The following GSDMC variants were observed in gnomAD, a reference collection of about 807,000 sequenced individuals.
GSDMC encodes the protein gasdermin-C.
GSDMC carries 59 observed loss-of-function variants against 58.0 expected under a neutral mutation model. That is an observed-to-expected ratio of 1.02 (90% CI 0.82 to 1.26). The LOEUF (loss-of-function observed/expected upper bound fraction) is 1.26. Among genes scored for constraint, GSDMC ranks in the 50% most tolerant of loss-of-function variants. The pLI is 0.00. For synonymous variants in GSDMC, 241 were observed against 220.2 expected (o/e 1.09, Z -0.83); for missense variants, 659 against 598.5 (o/e 1.10, Z -1.06).
chr8:129,717,156 C>G, the GSDMC span, among the ~76,000 whole-genome samples: 1 of 150,512 alleles, frequency 6.6e-6, no homozygotes, highest in Non-Finnish European at 1.5e-5. Context: ...AGGAGCCCCT[C>G]TTTTTCTATT....
At chr8:129,720,433 CTTGA>C in the GSDMC span, among the ~76,000 whole-genome samples, 1 of 152,130 alleles carries the variant, frequency 6.6e-6, no homozygotes, top group African/African-American at 2.4e-5. Context: ...AAGCCAATAA[CTTGA>C]TTGTCTCCTG....
intron 3 of GSDMC, among the ~76,000 whole-genome samples, chr8:129,773,963 A>G (rs900595386): frequency 1.3e-5 from 2 of 152,152 alleles, no homozygotes; most frequent in Non-Finnish European, 2.9e-5. Context: ...AGAAGAATTA[A>G]TATTATTAAA....
the GSDMC span, among the ~76,000 whole-genome samples, chr8:129,713,522 T>C: frequency 6.6e-6 from 1 of 152,084 alleles, no homozygotes; most frequent in Admixed American, 6.5e-5. Context: ...TAAAAGCCTA[T>C]TCTGCTGTCA....
In GSDMC at chr8:129,776,155, G is replaced by C. The variant is rs116234640; in HGVS notation, c.351C>G (p.Leu117=). 1 of 1,613,926 alleles carries C rather than the reference G, an allele frequency of 6.2e-7. No individual in the cohort carries two copies. Among genetic ancestry groups the C allele is most frequent in the Admixed American group, 1.7e-5 (1 of 59,992 alleles). ...ATGGGATGGTAACAATTTGAAACTC[G>C]AGGGAGCATCCATGGTCCACAGAGG... is the stretch of plus-strand genomic sequence containing the variant. ...GEASVDHGCS[L]EFQIVTIPSP... The change falls in exon 3 of 14, where the codon CTC becomes CTG. Residue 117 remains leucine (L), a synonymous_variant. Transcript: ENST00000276708.
At chr8:129,757,524 G>A (rs762541093) in intron 6 of GSDMC, among the ~76,000 whole-genome samples, 5 of 151,530 alleles carry the variant, frequency 3.3e-5, no homozygotes, top group African/African-American at 9.7e-5. Context: ...AAAAATAGAA[G>A]AGATAATACT....
chr8:129,751,784 G>T (rs1269771628), intron 9 of GSDMC, 78 bp downstream of exon 9: 2 of 1,429,524 alleles, frequency 1.4e-6, no homozygotes, highest in Non-Finnish European at 2.0e-6. Flanking sequence ...CAAAGGCGAG[G>T]CAGGGGCAAT....
At chr8:129,725,485 G>A in the GSDMC span, among the ~76,000 whole-genome samples, 1 of 152,122 alleles carries the variant, frequency 6.6e-6, no homozygotes, top group South Asian at 2.1e-4. Flanking sequence ...CCAGAGCCAG[G>A]GAGCAGTTTC....
the GSDMC span, among the ~76,000 whole-genome samples, chr8:129,716,117 T>G: frequency 1.3e-5 from 2 of 152,158 alleles, no homozygotes; most frequent in East Asian, 3.8e-4. Flanking sequence ...ATGGGCAATT[T>G]TTTTAAAAAG....
At chr8:129,711,535 G>C in the GSDMC span, among the ~76,000 whole-genome samples, 1 of 152,168 alleles carries the variant, frequency 6.6e-6, no homozygotes. Flanking sequence ...GAAGTGTGAT[G>C]AGTTCAAGAC....
chr8:129,770,969 G>A (rs2034027303), intron 3 of GSDMC, among the ~76,000 whole-genome samples: 1 of 150,936 alleles, frequency 6.6e-6, no homozygotes, highest in South Asian at 2.1e-4. Context: ...GACCAAAAAA[G>A]AACAAGGGTG....
At chr8:129,722,681 CCTT>C in the GSDMC span, among the ~76,000 whole-genome samples, 1 of 152,056 alleles carries the variant, frequency 6.6e-6, no homozygotes, top group African/African-American at 2.4e-5. Flanking sequence ...GAAAATTGTA[CCTT>C]TAATATTTAT....
intron 3 of GSDMC, among the ~76,000 whole-genome samples, chr8:129,770,715 G>T (rs1455836805): frequency 1.3e-5 from 2 of 151,752 alleles, no homozygotes; most frequent in Non-Finnish European, 2.9e-5. Flanking sequence ...TGGCAGGTGA[G>T]AAAGAAGGAA....
chr8:129,755,680 A>G (rs1424503953), intron 6 of GSDMC, among the ~76,000 whole-genome samples: 1 of 152,188 alleles, frequency 6.6e-6, no homozygotes, highest in African/African-American at 2.4e-5. Flanking sequence ...ACAATAAGAC[A>G]TAAAGACAAA....
intron 11 of GSDMC, 129 bp from the exon 12 acceptor site, chr8:129,750,248 G>A: frequency 9.8e-7 from 1 of 1,022,376 alleles, no homozygotes; most frequent in Admixed American, 2.9e-5. Flanking sequence ...GGGATTCCAA[G>A]CAGCCTCAGT....
the GSDMC span, among the ~76,000 whole-genome samples, chr8:129,733,803 C>T: frequency 6.6e-6 from 1 of 151,890 alleles, no homozygotes; most frequent in African/African-American, 2.4e-5. Context: ...AGCAATGAAA[C>T]AAAGCTGGAT....
At chr8:129,756,338 C>T (rs989570934) in intron 6 of GSDMC, among the ~76,000 whole-genome samples, 1 of 151,986 alleles carries the variant, frequency 6.6e-6, no homozygotes, top group African/African-American at 2.4e-5. Flanking sequence ...GCACTCAACA[C>T]TGCAGTACCC....
At chr8:129,711,584 C>G in the GSDMC span, among the ~76,000 whole-genome samples, 3 of 152,270 alleles carry the variant, frequency 2.0e-5, no homozygotes, top group East Asian at 5.8e-4. Context: ...GAATTGCCAT[C>G]TAAGAGGTGA....
chr8:129,740,279 T>A, the GSDMC span, among the ~76,000 whole-genome samples: 1 of 152,188 alleles, frequency 6.6e-6, no homozygotes. Flanking sequence ...GTAGCCTAAG[T>A]GTATAGTATT....
At chr8:129,709,741 C>A in the GSDMC span, among the ~76,000 whole-genome samples, 4 of 152,146 alleles carry the variant, frequency 2.6e-5, no homozygotes, top group East Asian at 7.7e-4. Context: ...CTCTTGTCAT[C>A]CTTCCCCTCC....
Sources: allele counts gnomAD v4.1 joint callset (sites outside exome capture counted in the v4.1 genomes callset), GRCh38; gene constraint gnomAD v4.1.1; transcripts MANE v1.5; gene names NCBI Gene and HGNC (gene_info 2026-07-23, HGNC 2026-07-21).